R3HDM4: variants seen among roughly 807,000 people sequenced by gnomAD.
The protein encoded by R3HDM4 is R3H domain containing 4.
Under a neutral mutation model 31.3 loss-of-function variants are expected in R3HDM4, and 30 were observed. The ratio of observed to expected loss-of-function variants is 0.96; its 90% CI spans 0.72 to 1.30. The LOEUF is 1.30. R3HDM4 is among the 50% of genes most tolerant of loss of function. The pLI is 0.00. For synonymous variants in R3HDM4, 196 were observed against 156.6 expected (o/e 1.25, Z -1.88); for missense variants, 444 against 366.1 (o/e 1.21, Z -1.74).
chr19:901,382 G>C (rs1287844496), intron 3 of R3HDM4, 40 bp downstream of exon 3: 2 of 1,583,636 alleles, frequency 1.3e-6, no homozygotes, highest in Non-Finnish European at 1.7e-6. Flanking sequence ...GAACTGCCGG[G>C]GTCCCCGTGT....
chr19:898,058 A>G (rs2036763561), intron 7 of R3HDM4, among the ~76,000 whole-genome samples: 1 of 152,058 alleles, frequency 6.6e-6, no homozygotes, highest in Non-Finnish European at 1.5e-5. Flanking sequence ...ATCTGAGGTC[A>G]GGAGGTCGAG....
At chr19:908,225 A>T (rs947432721) in intron 1 of R3HDM4, among the ~76,000 whole-genome samples, 3 of 151,816 alleles carry the variant, frequency 2.0e-5, no homozygotes, top group Non-Finnish European at 4.4e-5. Flanking sequence ...AAAACAAAAA[A>T]ACATCTGGCC....
At position 899,939 on chromosome 19, in the gene R3HDM4, T is replaced by C; in HGVS notation, c.561+122A>G. The C allele has an allele frequency of 9.3e-7, 1 of 1,075,924 alleles. No homozygotes were observed. 66.6% of individuals were successfully genotyped at this position (1,075,924 alleles called of 1,614,324 possible). A position where few individuals can be genotyped will look rare whatever the true frequency, so the allele number is the denominator to read the frequency against. ...CCTACTCAGGGCCCTGGTGCCGCTG[T>C]CTGTATCCTGCCCTGTTTCCCCTGA... On this transcript the variant is annotated intron_variant, in intron 5 of 7. Coordinates refer to ENST00000361574, the MANE Select transcript of R3HDM4 (RefSeq NM_138774.4). The surrounding 1 kb of genome is among the most constrained non-coding windows in gnomAD (Gnocchi z 6.8).
rs931124386 is a variant in R3HDM4, at chr19:907,979, G to C, written c.71+5108C>G. On this transcript the variant is annotated intron_variant, in intron 1 of 7. Coordinates refer to ENST00000361574, the MANE Select transcript of R3HDM4 (RefSeq NM_138774.4). This position sits in a 1 kb window ranked among gnomAD's most constrained non-coding sequence, Gnocchi z 4.1. ...GGAGGCCGAGGCGGGCGGATCATGA[G>C]GTCAAGAGATGGAGACCATCCTGGC... Among the ~76,000 whole-genome samples, 3 of 152,140 alleles carry C rather than the reference G, an allele frequency of 2.0e-5. No homozygotes were observed. The highest frequency in any genetic ancestry group is 7.2e-5 in the African/African-American group (3 of 41,412).
Position 901,854 on chromosome 19 carries a change from C to T in R3HDM4, c.226+122G>A, listed in dbSNP as rs994269976. ...TGGTCCCCCGGCCTACAGCTGACACCTCTTTGGGTCCCCAGCCCCACCCAG... is the reference window on the plus strand; with the variant it reads ...TGGTCCCCCGGCCTACAGCTGACACTTCTTTGGGTCCCCAGCCCCACCCAG... On this transcript the variant is annotated intron_variant, in intron 2 of 7. Transcript: ENST00000361574. The T allele has an allele frequency of 6.2e-6, 8 of 1,286,678 alleles. No homozygotes were observed. The African/African-American group carries it at 8.8e-5, about 14-fold the overall frequency. The allele number at this position is 1,286,678 out of a possible 1,614,324, so 79.7% of individuals were successfully genotyped here.
rs1306143599 is a variant in R3HDM4 at position 899,994 on chromosome 19, C to G, written c.561+67G>C. 9.4e-6 allele frequency: 14 copies of G among 1,490,042 alleles called. No individual in the cohort carries two copies. The Admixed American group carries it at 2.4e-4, about 25-fold the overall frequency. The allele number at this position is 1,490,042 out of a possible 1,614,324, so 92.3% of individuals were successfully genotyped here. A position where few individuals can be genotyped will look rare whatever the true frequency, so the allele number is the denominator to read the frequency against. On this transcript the variant is annotated intron_variant, in intron 5 of 7. Transcript: ENST00000361574. The surrounding 1 kb of genome is among the most constrained non-coding windows in gnomAD (Gnocchi z 6.8). The stretch of plus-strand genomic sequence containing the variant: ...ACCTGCACCGGGTGAGAACCTGTGC[C>G]TGGGAAACGGGCCTTCAAAAAAGAC...
intron 1 of R3HDM4, among the ~76,000 whole-genome samples, chr19:912,664 GGGGCGGACCCGGAGAGTGAGGGGGT>G (rs2036993586): frequency 7.8e-6 from 1 of 128,318 alleles, no homozygotes. Flanking sequence ...GAGGAGTTGG[GGGGCGGACCCGGAGAGTGAGGGGGT>G]GGACCCGGGA....
rs950837828 is a variant in R3HDM4 at position 897,771 on chromosome 19, G to T, written c.704-231C>A. Reference sequence around the variant, plus strand: ...TCTCCTCGGGCCCATCTCACTCCCCGCTGGCACTCATTCCACTGTGCGGAT... The same window carrying T: ...TCTCCTCGGGCCCATCTCACTCCCCTCTGGCACTCATTCCACTGTGCGGAT... On this transcript the variant is annotated intron_variant, in intron 7 of 7. Coordinates refer to ENST00000361574, the MANE Select transcript of R3HDM4 (RefSeq NM_138774.4). Among the ~76,000 whole-genome samples the T allele has an allele frequency of 2.6e-5, 4 of 152,206 alleles. No individual in the cohort carries two copies. In the South Asian group the frequency reaches 8.3e-4, roughly 31 times the overall value.
At position 899,968 on chromosome 19, in the gene R3HDM4, G is replaced by T; in HGVS notation, c.561+93C>A. On this transcript the variant is annotated intron_variant, in intron 5 of 7. Coordinates refer to ENST00000361574, the MANE Select transcript of R3HDM4 (RefSeq NM_138774.4). The surrounding 1 kb of genome is among the most constrained non-coding windows in gnomAD (Gnocchi z 6.8). ...TATCCTGCCCTGTTTCCCCTGACACGACCTGCACCGGGTGAGAACCTGTGC... is the reference window on the plus strand; with the variant it reads ...TATCCTGCCCTGTTTCCCCTGACACTACCTGCACCGGGTGAGAACCTGTGC... 1.5e-6 allele frequency: 2 copies of T among 1,310,696 alleles called. No homozygotes were observed. Among genetic ancestry groups the T allele is most frequent in the South Asian group, 2.4e-5 (2 of 82,248 alleles). 81.2% of individuals were successfully genotyped at this position (1,310,696 alleles called of 1,614,324 possible). A position where few individuals can be genotyped will look rare whatever the true frequency, so the allele number is the denominator to read the frequency against.
At position 900,951 on chromosome 19, in the gene R3HDM4, A is replaced by G. The variant is rs78580402; in HGVS notation, c.353T>C (p.Val118Ala). The G allele has an allele frequency of 0.027, 42,248 of 1,589,988 alleles. 2,156 individuals carry two copies. Among genetic ancestry groups the G allele is most frequent in the East Asian group, 0.21 (9,248 of 43,418 alleles). ...GGAGCGGTTCATGAAATCGTTCCAG[A>G]CCTGGAAGAGAGGCAGGGAGGCAGG... ...EACNNATYVEVWNDFMNRSGE... is the reference protein window; with the variant it reads ...EACNNATYVEAWNDFMNRSGE... Residue 118 changes from valine (V) to alanine (A), a missense_variant and splice_region_variant, in exon 4 of 8, where the codon GTC becomes GCC. By Grantham distance (64) the Val-to-Ala change is moderately conservative (BLOSUM62 0). Coordinates refer to ENST00000361574, the MANE Select transcript of R3HDM4 (RefSeq NM_138774.4).
In R3HDM4 at chr19:897,287, G is replaced by A. The variant is rs1321283041; in HGVS notation, c.*150C>T. 7 of 598,808 alleles carry A rather than the reference G, an allele frequency of 1.2e-5. No individual in the cohort carries two copies. Among genetic ancestry groups the A allele is most frequent in the South Asian group, 8.5e-5 (4 of 47,104 alleles). The allele number at this position is 598,808 out of a possible 1,614,324, so 37.1% of individuals were successfully genotyped here. A position where few individuals can be genotyped will look rare whatever the true frequency, so the allele number is the denominator to read the frequency against. On this transcript the variant is annotated 3_prime_UTR_variant, in exon 8 of 8. Transcript: ENST00000361574. ...CAGCGTCTGTTGACTGCCAAGAGCT[G>A]CGTGAGGAGGGGGCAGAGTGAGAGA...
At chr19:912,768 C>T (rs1355669921) in intron 1 of R3HDM4, among the ~76,000 whole-genome samples, 1 of 64,164 alleles carries the variant, frequency 1.6e-5, no homozygotes, top group South Asian at 4.3e-4. Flanking sequence ...GATTAGGGGG[C>T]GGACCGGGGA....
Position 899,424 on chromosome 19 carries a change from G to A in R3HDM4, c.703+16C>T, listed in dbSNP as rs746632829. The A allele has an allele frequency of 6.2e-7, 1 of 1,613,440 alleles. No homozygotes were observed. Among genetic ancestry groups the A allele is most frequent in the South Asian group, 1.1e-5 (1 of 91,074 alleles). On this transcript the variant is annotated intron_variant, in intron 7 of 7. Coordinates refer to ENST00000361574, the MANE Select transcript of R3HDM4 (RefSeq NM_138774.4). This position sits in a 1 kb window ranked among gnomAD's most constrained non-coding sequence, Gnocchi z 6.8. ...GAGCTGGCCAACTTGGGGTCTTGGG[G>A]GCCACCGGCACTTACTGGCCGAGAT...
intron 1 of R3HDM4, among the ~76,000 whole-genome samples, chr19:912,852 G>C (rs350156): frequency 0.58 from 88,007 of 151,294 alleles, 25,954 homozygotes; most frequent in East Asian, 0.78. Flanking sequence ...AGCGCCAGGA[G>C]GGTGTCCCCG....
intron 7 of R3HDM4, among the ~76,000 whole-genome samples, chr19:898,469 C>T (rs540008204): frequency 1.1e-4 from 15 of 138,516 alleles, no homozygotes; most frequent in South Asian, 2.4e-4. Flanking sequence ...GCGTGCTGGC[C>T]GGCACCTGGG....
chr19:913,085 A>C lies in R3HDM4; in HGVS notation c.71+2T>G. On this transcript the variant is annotated splice_donor_variant, in intron 1 of 7. Transcript: ENST00000361574. LOFTEE classifies it high-confidence loss of function. The surrounding 1 kb of genome is among the most constrained non-coding windows in gnomAD (Gnocchi z 5.0). ...CGCCGCGCCCCGCCCGCCCGCGCTC[A>C]CAGCAGCCGCCGCCCGCCCGGGGTG... is the stretch of plus-strand genomic sequence containing the variant. 1 of 1,052,524 alleles carries C rather than the reference A, an allele frequency of 9.5e-7. No homozygotes were observed. Among genetic ancestry groups the C allele is most frequent in the Non-Finnish European group, 1.1e-6 (1 of 875,072 alleles). 65.2% of individuals were successfully genotyped at this position (1,052,524 alleles called of 1,614,324 possible). A position where few individuals can be genotyped will look rare whatever the true frequency, so the allele number is the denominator to read the frequency against.
At position 899,935 on chromosome 19, in the gene R3HDM4, G is replaced by C. The variant is rs1007154969; in HGVS notation, c.561+126C>G. On this transcript the variant is annotated intron_variant, in intron 5 of 7. Transcript: ENST00000361574. The surrounding 1 kb of genome is among the most constrained non-coding windows in gnomAD (Gnocchi z 6.8). ...CCCTCCTACTCAGGGCCCTGGTGCC[G>C]CTGTCTGTATCCTGCCCTGTTTCCC... 2.9e-6 allele frequency: 3 copies of C among 1,032,078 alleles called. No individual in the cohort carries two copies. The highest frequency in any genetic ancestry group is 2.1e-5 in the Admixed American group (1 of 46,882). The allele number at this position is 1,032,078 out of a possible 1,614,324, so 63.9% of individuals were successfully genotyped here. A position where few individuals can be genotyped will look rare whatever the true frequency, so the allele number is the denominator to read the frequency against.
At chr19:908,405 G>C (rs1389324712) in intron 1 of R3HDM4, among the ~76,000 whole-genome samples, 1 of 151,736 alleles carries the variant, frequency 6.6e-6, no homozygotes, top group African/African-American at 2.4e-5. Context: ...CCAAGAGTTC[G>C]AGACCAGCCT....
chr19:904,970 G>A (rs1441330595), intron 1 of R3HDM4, among the ~76,000 whole-genome samples: 1 of 152,168 alleles, frequency 6.6e-6, no homozygotes, highest in Non-Finnish European at 1.5e-5. Flanking sequence ...ACTTTGGGAG[G>A]CCAAGGTAGG....
Sources: allele counts gnomAD v4.1 joint callset (sites outside exome capture counted in the v4.1 genomes callset), GRCh38; gene constraint gnomAD v4.1.1; non-coding constraint Gnocchi (gnomAD v3.1); transcripts MANE v1.5; gene names NCBI Gene and HGNC (gene_info 2026-07-23, HGNC 2026-07-21).